Variants in VSX1 observed in about 807,000 individuals in gnomAD.
VSX1 encodes the protein visual system homeobox 1.
A neutral mutation model predicts 23.6 loss-of-function variants in VSX1; 23 were observed. That is an observed-to-expected ratio of 0.97 (90% CI 0.70 to 1.38). The LOEUF (loss-of-function observed/expected upper bound fraction) is 1.38. VSX1 is among the 40% of genes most tolerant of loss of function. VSX1 has a pLI of 0.00. For synonymous variants in VSX1, 247 were observed against 215.1 expected, an observed-to-expected ratio of 1.15 and a Z score of -1.30; for missense variants, 517 against 495.4, an observed-to-expected ratio of 1.04 and a Z score of -0.41.
At position 25,077,745 on chromosome 20, in the gene VSX1, C is replaced by G; in HGVS notation, c.748G>C (p.Asp250His). ...AMVRHCIPLPDSVLNSAEGGL... is the reference protein window; with the variant it reads ...AMVRHCIPLPHSVLNSAEGGL... Reference sequence around the variant, plus strand: ...CCCTCGGCGGAGTTGAGCACGGAGTCTGGCAGCGGGATGCAGTGGCGCACC... The same window carrying G: ...CCCTCGGCGGAGTTGAGCACGGAGTGTGGCAGCGGGATGCAGTGGCGCACC... The change falls in exon 4 of 5, where the codon GAC (aspartate) becomes CAC (histidine). Residue 250 changes from aspartate (D) to histidine (H), a missense_variant. Transcript: ENST00000376709. 6.4e-7 allele frequency: 1 copy of G among 1,550,774 alleles called. No individual in the cohort carries two copies.
At position 25,075,668 on chromosome 20, in the gene VSX1, G is replaced by T. The variant is rs537153966; in HGVS notation, c.*593C>A. 1.0e-4 allele frequency: 16 copies of T among 152,544 alleles called. No homozygotes were observed. The highest frequency in any genetic ancestry group is 3.8e-4 in the African/African-American group (16 of 41,568). 9.4% of individuals were successfully genotyped at this position (152,544 alleles called of 1,614,324 possible). A position where few individuals can be genotyped will look rare whatever the true frequency, so the allele number is the denominator to read the frequency against. On this transcript the variant is annotated 3_prime_UTR_variant, in exon 5 of 5. Transcript: ENST00000376709. Reference sequence around the variant, plus strand: ...ATCCCATGCTATTTTTAAAGGAAATGCAGAAACGACTAGAGTATGGGTTTC... The same window carrying T: ...ATCCCATGCTATTTTTAAAGGAAATTCAGAAACGACTAGAGTATGGGTTTC...
At chr20:25,077,287 G>GGGCT (rs1568863358) in intron 4 of VSX1, among the ~76,000 whole-genome samples, 1 of 152,160 alleles carries the variant, frequency 6.6e-6, no homozygotes, top group African/African-American at 2.4e-5. Context: ...TCAGATGGAG[G>GGGCT]GGCTCACTGT....
chr20:25,079,081 C>T, intron 2 of VSX1, 129 bp from the exon 3 acceptor site: 1 of 1,009,106 alleles, frequency 9.9e-7, no homozygotes, highest in Non-Finnish European at 1.5e-6. Flanking sequence ...GATAATGGAA[C>T]ACCCCACCTC....
chr20:25,078,627 G>T (rs1403256366), intron 3 of VSX1: 20 of 1,446,010 alleles, frequency 1.4e-5, no homozygotes, highest in Admixed American at 4.9e-5. Flanking sequence ...AGAATGATTT[G>T]ATACTAAATA....
chr20:25,079,049 C>A (rs2089580214), intron 2 of VSX1, 97 bp from the exon 3 acceptor site: 6 of 1,467,664 alleles, frequency 4.1e-6, no homozygotes, highest in Non-Finnish European at 5.7e-6. Flanking sequence ...CTCTGCTGTC[C>A]AGACCCTAGA....
At chr20:25,073,477 T>C (rs2089424010), downstream of VSX1, among the ~76,000 whole-genome samples, 1 of 152,216 alleles carries the variant, frequency 6.6e-6, no homozygotes, top group African/African-American at 2.4e-5. Context: ...TCATTCCCCT[T>C]TCTTTCTTCT....
downstream of VSX1, chr20:25,072,792 C>T (rs1255093398): frequency 2.4e-6 from 1 of 422,374 alleles, no homozygotes; most frequent in Non-Finnish European, 4.8e-6. Context: ...GAAAATATCA[C>T]CTTAATTCAT....
rs764908378 is a variant in VSX1 at position 25,076,533 on chromosome 20, T to C, written c.826A>G (p.Met276Val). Reference sequence around the variant, plus strand: ...CTTCCTGGCTTCCTTATCATCCCCATGGATTTTTTATGCATCCCTTGTAAA... The same window carrying C: ...CTTCCTGGCTTCCTTATCATCCCCACGGATTTTTTATGCATCCCTTGTAAA... ...PWLLGMHKKS[M>V]GMIRKPGSED... Residue 276 changes from methionine to valine, a missense_variant, in exon 5 of 5, where the codon ATG becomes GTG. Physicochemically the swap from Met to Val is conservative, Grantham distance 21. Coordinates refer to ENST00000376709, the MANE Select transcript of VSX1 (RefSeq NM_014588.6). 1.2e-5 allele frequency: 20 copies of C among 1,609,806 alleles called. No homozygotes were observed. In the East Asian group the frequency reaches 4.0e-4, roughly 32 times the overall value.
At chr20:25,078,611 T>C in intron 3 of VSX1, 4 of 1,461,684 alleles carry the variant, frequency 2.7e-6, no homozygotes, top group Admixed American at 5.3e-5. Context: ...TATCATGTGA[T>C]TTTAAAGAAT....
Position 25,081,828 on chromosome 20 carries a change from G to C in VSX1, c.269C>G (p.Thr90Arg). ...TGCTCGAGCGGCCGCCGGCGGCTGC[G>C]TGCCGAAGCCACAGAGGAGGCCGAG... ...LGLGLLCGFGTQPPAAARAPC... is the reference protein window; with the variant it reads ...LGLGLLCGFGRQPPAAARAPC... Residue 90 changes from threonine (T) to arginine (R), a missense_variant, in exon 1 of 5, where the codon ACG becomes AGG. By Grantham distance (71) the Thr-to-Arg change is moderately conservative. Coordinates refer to ENST00000376709, the MANE Select transcript of VSX1 (RefSeq NM_014588.6). 6.6e-7 allele frequency: 1 copy of C among 1,505,486 alleles called. No homozygotes were observed. The highest frequency in any genetic ancestry group is 8.8e-7 in the Non-Finnish European group (1 of 1,135,918). The allele number at this position is 1,505,486 out of a possible 1,614,324, so 93.3% of individuals were successfully genotyped here. A position where few individuals can be genotyped will look rare whatever the true frequency, so the allele number is the denominator to read the frequency against.
chr20:25,078,333 C>T (rs1038029861), intron 3 of VSX1, among the ~76,000 whole-genome samples: 7 of 152,072 alleles, frequency 4.6e-5, no homozygotes, highest in African/African-American at 1.4e-4. Flanking sequence ...TTATGAAATA[C>T]GGTTTAGCTG....
chr20:25,081,866 G>T lies in VSX1; in HGVS notation c.231C>A (p.Ala77=). The T allele has an allele frequency of 6.6e-7, 1 of 1,523,808 alleles. No individual in the cohort carries two copies. The highest frequency in any genetic ancestry group is 8.7e-7 in the Non-Finnish European group (1 of 1,142,860). The allele number at this position is 1,523,808 out of a possible 1,614,324, so 94.4% of individuals were successfully genotyped here. ...AGAGGAGGCCGAGTCCCAGCGGTAGGGCCCCACGCGCCAGGCTGGAGCCGT... is the reference window on the plus strand; with the variant it reads ...AGAGGAGGCCGAGTCCCAGCGGTAGTGCCCCACGCGCCAGGCTGGAGCCGT... ...GLDGSSLARG[A]LPLGLGLLCG... Residue 77 remains alanine, a synonymous_variant, in exon 1 of 5, where the codon GCC becomes GCA. Transcript: ENST00000376709.
Position 25,075,829 on chromosome 20 carries a change from T to G in VSX1, c.*432A>C. 5.4e-6 allele frequency: 1 copy of G among 183,972 alleles called. No individual in the cohort carries two copies. Among genetic ancestry groups the G allele is most frequent in the Non-Finnish European group, 1.1e-5 (1 of 87,172 alleles). 11.4% of individuals were successfully genotyped at this position (183,972 alleles called of 1,614,324 possible). On this transcript the variant is annotated 3_prime_UTR_variant, in exon 5 of 5. Transcript: ENST00000376709. ...AATTCATTCATGTGTCTGTATGGAG[T>G]CTTCACTATGATGATATCAGATTCT...
chr20:25,071,819 G>A (rs1011727840), downstream of VSX1: 5 of 711,200 alleles, frequency 7.0e-6, no homozygotes, highest in Admixed American at 4.0e-5. Flanking sequence ...TGGTAGCAGT[G>A]ATCATCAAGG....
At chr20:25,077,211 A>C (rs2089516919) in intron 4 of VSX1, among the ~76,000 whole-genome samples, 1 of 152,128 alleles carries the variant, frequency 6.6e-6, no homozygotes, top group African/African-American at 2.4e-5. Flanking sequence ...CAAAAATCTA[A>C]GGGACAGAAA....
At chr20:25,073,908 G>A (rs957510247), downstream of VSX1, among the ~76,000 whole-genome samples, 1 of 152,180 alleles carries the variant, frequency 6.6e-6, no homozygotes, top group African/African-American at 2.4e-5. Context: ...CACAGCCAGG[G>A]AGAGAGCAGC....
chr20:25,070,885 T>C, downstream of VSX1: 3 of 397,690 alleles, frequency 7.5e-6, no homozygotes, highest in Non-Finnish European at 1.5e-5. Flanking sequence ...ATATATGCAA[T>C]TTTTGTCAAT....
chr20:25,073,542 C>G (rs907914901), downstream of VSX1, among the ~76,000 whole-genome samples: 1 of 152,152 alleles, frequency 6.6e-6, no homozygotes, highest in Non-Finnish European at 1.5e-5. Flanking sequence ...CGGGGGCTGG[C>G]CACGACCTAG....
downstream of VSX1, chr20:25,072,722 TA>T: frequency 2.1e-6 from 1 of 468,936 alleles, no homozygotes; most frequent in Non-Finnish European, 4.4e-6. Flanking sequence ...ATATTGTTTT[TA>T]TACGATTAAA....
Sources: gnomAD v4.1 joint callset for allele counts (sites outside exome capture counted in the v4.1 genomes callset) on GRCh38, gnomAD v4.1.1 for gene constraint, MANE v1.5 for transcripts, NCBI Gene and HGNC (gene_info 2026-07-23, HGNC 2026-07-21) for gene names.